The following LARP6 variants were observed in gnomAD, a reference collection of about 807,000 sequenced individuals.
LARP6 encodes the protein La ribonucleoprotein 6, translational regulator.
LARP6 carries 18 observed loss-of-function variants against 32.8 expected under a neutral mutation model. That is an observed-to-expected ratio of 0.55 (90% CI 0.38 to 0.81). The LOEUF (loss-of-function observed/expected upper bound fraction) is 0.81. LARP6 is among the 40% of genes least tolerant of loss of function. The pLI, the probability that LARP6 is intolerant of heterozygous loss-of-function variation, is 0.00. For synonymous variants in LARP6, 289 were observed against 267.2 expected, an observed-to-expected ratio of 1.08 and a Z score of -0.80; for missense variants, 598 against 663.1, an observed-to-expected ratio of 0.90 and a Z score of 1.08.
intron 1 of LARP6, among the ~76,000 whole-genome samples, chr15:70,839,736 C>G (rs1282617665): frequency 6.6e-6 from 1 of 152,136 alleles, no homozygotes; most frequent in Non-Finnish European, 1.5e-5. Context: ...GCGCCCACCA[C>G]CACGCCCGGC....
intron 1 of LARP6, chr15:70,852,359 G>T: frequency 2.2e-6 from 1 of 449,594 alleles, no homozygotes; most frequent in South Asian, 1.6e-5. Context: ...AGGGGTTCAG[G>T]CAAGAGGCCT....
At chr15:70,851,817 C>T (rs1161226877) in intron 1 of LARP6, 5 of 1,574,862 alleles carry the variant, frequency 3.2e-6, no homozygotes, top group East Asian at 2.3e-5. Flanking sequence ...GGAAACACAG[C>T]CAGCTCTGGG....
Position 70,832,363 on chromosome 15 carries a change from G to T in LARP6, c.1165C>A (p.Arg389Ser). 3 of 1,613,960 alleles carry T rather than the reference G, an allele frequency of 1.9e-6. No homozygotes were observed. Among genetic ancestry groups the T allele is most frequent in the Non-Finnish European group, 2.5e-6 (3 of 1,179,896 alleles). ...GGGGACTTTCTGGAAACGCCTTTGC[G>T]TTGGGCCAAGGGGCTGCTCCAAGGA... ...TSPWSSPLAQ[R>S]KGVSRKSPLA... Residue 389 changes from arginine to serine, a missense_variant, in exon 3 of 3, where the codon CGC (arginine) becomes AGC (serine). Coordinates refer to ENST00000299213, the MANE Select transcript of LARP6 (RefSeq NM_018357.4).
At chr15:70,840,294 C>G (rs111749268) in intron 1 of LARP6, among the ~76,000 whole-genome samples, 1,979 of 152,260 alleles carry the variant, frequency 0.013, 46 homozygotes, top group African/African-American at 0.045. Flanking sequence ...AATCCCAGCA[C>G]TTTGGGAGGC....
rs1320859485 is a variant in LARP6 at position 70,832,080 on chromosome 15, C to T, written c.1448G>A (p.Gly483Asp). 1 of 1,534,620 alleles carries T rather than the reference C, an allele frequency of 6.5e-7. No individual in the cohort carries two copies. Residue 483 changes from glycine to aspartate, a missense_variant, in exon 3 of 3, where the codon GGC (glycine) becomes GAC (aspartate). Transcript: ENST00000299213. ...RGPDNTRGFH[G>D]HERSRACV ...TACACAGGCCCTGCTCCTCTCATGG[C>T]CATGAAATCCTCTGGTGTTGTCAGG...
intron 1 of LARP6, chr15:70,849,011 A>C (rs1001653997): frequency 6.6e-6 from 1 of 152,200 alleles, no homozygotes; most frequent in Non-Finnish European, 1.5e-5. Context: ...TAAACAGCAA[A>C]AATCCTGTAA....
intron 1 of LARP6, among the ~76,000 whole-genome samples, chr15:70,848,676 G>A (rs1312356950): frequency 6.6e-5 from 10 of 152,020 alleles, no homozygotes; most frequent in Admixed American, 2.6e-4. Flanking sequence ...AGGTTGCAGT[G>A]AGCCAAGATG....
At chr15:70,836,565 TTCA>T in intron 1 of LARP6, 60 bp from the exon 2 acceptor site, 1 of 1,421,612 alleles carries the variant, frequency 7.0e-7, no homozygotes. Flanking sequence ...CCCCCAAAAA[TTCA>T]TATGCTGAAG....
chr15:70,831,764 C>T lies in LARP6; in HGVS notation c.*288G>A. On this transcript the variant is annotated 3_prime_UTR_variant, in exon 3 of 3. Transcript: ENST00000299213. Reference sequence around the variant, plus strand: ...ATTCCATACCAAAGAACAGACTTCCCCCAGGGAACCTCCGTCCTACAGCCC... The same window carrying T: ...ATTCCATACCAAAGAACAGACTTCCTCCAGGGAACCTCCGTCCTACAGCCC... 3.8e-6 allele frequency: 1 copy of T among 261,336 alleles called. No individual in the cohort carries two copies. Among genetic ancestry groups the T allele is most frequent in the Non-Finnish European group, 7.2e-6 (1 of 139,546 alleles). The allele number at this position is 261,336 out of a possible 1,614,324, so 16.2% of individuals were successfully genotyped here.
rs373720812 is a variant in LARP6 at position 70,832,870 on chromosome 15, G to T, written c.658C>A (p.Leu220Ile). ...GAGATGACTCCAAAAGTCCCAAAAAGCTTGAGCAGGTGTTCCATCACCTTC... is the reference window on the plus strand; with the variant it reads ...GAGATGACTCCAAAAGTCCCAAAAATCTTGAGCAGGTGTTCCATCACCTTC... ...QEKVMEHLLK[L>I]FGTFGVISSV... The change falls in exon 3 of 3, where the codon CTT (leucine) becomes ATT (isoleucine). Residue 220 changes from leucine (L) to isoleucine (I), a missense_variant. Physicochemically the swap from Leu to Ile is conservative, Grantham distance 5. Transcript: ENST00000299213. 5.7e-5 allele frequency: 92 copies of T among 1,610,384 alleles called. No homozygotes were observed. Among genetic ancestry groups the T allele is most frequent in the African/African-American group, 9.4e-5 (7 of 74,780 alleles).
chr15:70,842,475 G>A (rs913845450), intron 1 of LARP6, among the ~76,000 whole-genome samples: 3 of 151,932 alleles, frequency 2.0e-5, no homozygotes, highest in Admixed American at 6.6e-5. Flanking sequence ...CCTGTCCACC[G>A]CCCCACACCT....
At chr15:70,840,294 C>T (rs111749268) in intron 1 of LARP6, among the ~76,000 whole-genome samples, 1 of 152,260 alleles carries the variant, frequency 6.6e-6, no homozygotes, top group East Asian at 1.9e-4. Context: ...AATCCCAGCA[C>T]TTTGGGAGGC....
chr15:70,840,906 T>TTC (rs1364284208), intron 1 of LARP6, among the ~76,000 whole-genome samples: 5 of 140,366 alleles, frequency 3.6e-5, no homozygotes, highest in South Asian at 4.6e-4. Flanking sequence ...AATTTCTCTT[T>TTC]TCTCTCTTTT....
At chr15:70,847,162 T>C (rs1205912554) in intron 1 of LARP6, among the ~76,000 whole-genome samples, 2 of 152,146 alleles carry the variant, frequency 1.3e-5, no homozygotes, top group African/African-American at 4.8e-5. Context: ...GGAGGAAGTA[T>C]GGTTTCTGAT....
intron 2 of LARP6, among the ~76,000 whole-genome samples, chr15:70,835,427 CAG>C (rs2032129143): frequency 6.6e-6 from 1 of 152,168 alleles, no homozygotes; most frequent in Non-Finnish European, 1.5e-5. Context: ...CAGCACTCAG[CAG>C]AGACAATGAG....
intron 1 of LARP6, 80 bp from the exon 2 acceptor site, chr15:70,836,585 C>T: frequency 9.1e-7 from 1 of 1,093,702 alleles, no homozygotes. Flanking sequence ...GAAGTCCTGA[C>T]CCCCAATACC....
At chr15:70,853,611 TC>T (rs1187080699) in intron 1 of LARP6, 2 of 276,960 alleles carry the variant, frequency 7.2e-6, no homozygotes, top group Non-Finnish European at 1.3e-5. Flanking sequence ...GTGAAAGTCC[TC>T]CTCCTGGATC....
chr15:70,853,756 G>T, intron 1 of LARP6, 133 bp downstream of exon 1: 1 of 624,304 alleles, frequency 1.6e-6, no homozygotes, highest in Non-Finnish European at 2.2e-6. Context: ...TCGGCCCGGA[G>T]CTGCTTCCCC....
At chr15:70,841,202 C>T (rs1170317719) in intron 1 of LARP6, among the ~76,000 whole-genome samples, 2 of 152,166 alleles carry the variant, frequency 1.3e-5, no homozygotes, top group Admixed American at 6.5e-5. Context: ...CGTGAGCCAC[C>T]GCGCCCGGCC....
Sources: gnomAD v4.1 joint callset for allele counts (sites outside exome capture counted in the v4.1 genomes callset) on GRCh38, gnomAD v4.1.1 for gene constraint, MANE v1.5 for transcripts, NCBI Gene and HGNC (gene_info 2026-07-23, HGNC 2026-07-21) for gene names.